GRIP1: variants seen among roughly 807,000 people sequenced by gnomAD.
The protein encoded by GRIP1 is glutamate receptor-interacting protein 1.
A neutral mutation model predicts 129.9 loss-of-function variants in GRIP1; 45 were observed. The observed-to-expected ratio is 0.35, with a 90% CI of 0.27 to 0.44. GRIP1 has a LOEUF of 0.44. GRIP1 is among the 20% of genes least tolerant of loss of function. The pLI, the probability that GRIP1 is intolerant of heterozygous loss-of-function variation, is 1.00. For missense variants in GRIP1, 1,196 were observed against 1,396.8 expected (o/e 0.86, Z 2.29); for synonymous variants, 530 against 520.8 (o/e 1.02, Z -0.24).
At chr12:66,870,591 A>T (rs2040279335) in intron 1 of GRIP1, among the ~76,000 whole-genome samples, 1 of 152,126 alleles carries the variant, frequency 6.6e-6, no homozygotes, top group African/African-American at 2.4e-5. Context: ...ATTCATTCTG[A>T]ATGCACCTAA....
At chr12:66,761,026 C>T (rs2037458171) in intron 1 of GRIP1, among the ~76,000 whole-genome samples, 1 of 152,020 alleles carries the variant, frequency 6.6e-6, no homozygotes, top group African/African-American at 2.4e-5. Flanking sequence ...ATTTACTAGT[C>T]CATGCCTCTC....
chr12:66,376,430 A>C (rs1055032082), intron 22 of GRIP1, among the ~76,000 whole-genome samples: 3 of 152,208 alleles, frequency 2.0e-5, no homozygotes, highest in Non-Finnish European at 4.4e-5. Context: ...ACATAAAAGG[A>C]AACAGTCCAG....
At chr12:66,400,710 A>C (rs1159026591) in intron 16 of GRIP1, among the ~76,000 whole-genome samples, 2 of 152,212 alleles carry the variant, frequency 1.3e-5, no homozygotes, top group African/African-American at 4.8e-5. Context: ...TCCCCAAACC[A>C]AGCGAGAAAT....
Position 66,860,442 on chromosome 12 carries a change from TATA to T in GRIP1, c.58+208605_58+208607del, listed in dbSNP as rs566310792. On this transcript the variant is annotated intron_variant, in intron 1 of 1. Coordinates refer to the GRIP1 transcript ENST00000643019. ...GTTGAGACAATAATCCGATACAATT[TATA>T]ATAAGCTTCTTTCAGAGTTGCTATC... Among the ~76,000 whole-genome samples, 386 of 152,232 alleles carry T rather than the reference TATA, an allele frequency of 2.5e-3. 8 individuals are homozygous for T. Among genetic ancestry groups the T allele is most frequent in the Non-Finnish European group, 1.5e-3 (99 of 68,000 alleles).
intron 1 of GRIP1, among the ~76,000 whole-genome samples, chr12:66,861,669 G>T (rs1488165292): frequency 2.0e-5 from 3 of 152,148 alleles, no homozygotes; most frequent in East Asian, 3.9e-4. Context: ...CATGAGTATT[G>T]TCTTCATCAA....
chr12:66,613,925 G>T (rs752806832), intron 1 of GRIP1, among the ~76,000 whole-genome samples: 7 of 152,180 alleles, frequency 4.6e-5, no homozygotes, highest in Non-Finnish European at 1.0e-4. Flanking sequence ...CATGTTTGAA[G>T]ACACATCAGC....
At chr12:66,873,993 A>AGG (rs2040340382) in intron 1 of GRIP1, among the ~76,000 whole-genome samples, 1 of 152,084 alleles carries the variant, frequency 6.6e-6, no homozygotes, top group South Asian at 2.1e-4. Context: ...GGCAAAAACA[A>AGG]GTTCTGCTAC....
chr12:66,361,677 G>T (rs748019235), intron 23 of GRIP1, among the ~76,000 whole-genome samples: 1 of 151,844 alleles, frequency 6.6e-6, no homozygotes, highest in Non-Finnish European at 1.5e-5. Flanking sequence ...CGGAGTCCCT[G>T]TTGCGGGTGT....
At chr12:66,759,623 C>T (rs1311743135) in intron 1 of GRIP1, among the ~76,000 whole-genome samples, 1 of 152,086 alleles carries the variant, frequency 6.6e-6, no homozygotes, top group Non-Finnish European at 1.5e-5. Flanking sequence ...ATGCTTTTAA[C>T]AGCACCCAAG....
intron 1 of GRIP1, among the ~76,000 whole-genome samples, chr12:66,895,306 A>T (rs1246075333): frequency 6.6e-6 from 1 of 152,154 alleles, no homozygotes; most frequent in Admixed American, 6.5e-5. Context: ...GTCTCACAAT[A>T]TCTGATGGTT....
At chr12:66,806,582 T>C (rs1166938920), upstream of GRIP1, among the ~76,000 whole-genome samples, 1 of 152,160 alleles carries the variant, frequency 6.6e-6, no homozygotes, top group Non-Finnish European at 1.5e-5. Flanking sequence ...GAAGAGATGG[T>C]GCTTTACTCT....
At chr12:66,809,379 A>G (rs2039059196) in intron 1 of GRIP1, among the ~76,000 whole-genome samples, 2 of 152,234 alleles carry the variant, frequency 1.3e-5, no homozygotes, top group Non-Finnish European at 2.9e-5. Context: ...AGTCTATAAG[A>G]GAAATCTTTA....
At chr12:66,734,767 G>A (rs1161718742) in intron 1 of GRIP1, among the ~76,000 whole-genome samples, 1 of 152,110 alleles carries the variant, frequency 6.6e-6, no homozygotes, top group Non-Finnish European at 1.5e-5. Context: ...TAGGAAGAGT[G>A]TTATAAAAAT....
chr12:66,870,470 C>T (rs1412283079), intron 1 of GRIP1, among the ~76,000 whole-genome samples: 5 of 151,962 alleles, frequency 3.3e-5, no homozygotes, highest in Non-Finnish European at 5.9e-5. Context: ...ACAGAACATC[C>T]CTTGGTGCAA....
chr12:67,040,175 G>C (rs893084595), intron 1 of GRIP1, among the ~76,000 whole-genome samples: 4 of 152,064 alleles, frequency 2.6e-5, no homozygotes, highest in African/African-American at 9.7e-5. Context: ...CCAGAGTAGA[G>C]AGATAATCAT....
intron 22 of GRIP1, among the ~76,000 whole-genome samples, chr12:66,373,897 G>A (rs891624826): frequency 6.6e-6 from 1 of 152,156 alleles, no homozygotes; most frequent in African/African-American, 2.4e-5. Flanking sequence ...GACAAGTTAA[G>A]CAACTTGCCC....
upstream of GRIP1, among the ~76,000 whole-genome samples, chr12:66,807,679 C>T (rs929085355): frequency 2.0e-5 from 3 of 151,836 alleles, no homozygotes; most frequent in African/African-American, 4.8e-5. Flanking sequence ...GTGGCACCTT[C>T]CCCCTCTCTC....
intron 7 of GRIP1, among the ~76,000 whole-genome samples, chr12:66,468,952 T>C (rs1447686428): frequency 6.6e-6 from 1 of 152,172 alleles, no homozygotes; most frequent in East Asian, 1.9e-4. Flanking sequence ...CTTGCCCCAT[T>C]AAGGCTTGAA....
chr12:66,806,757 A>T (rs951930732), upstream of GRIP1, among the ~76,000 whole-genome samples: 8 of 151,756 alleles, frequency 5.3e-5, no homozygotes, highest in African/African-American at 1.7e-4. Flanking sequence ...TACATACCAA[A>T]CTCTGTTTTC....
Sources: gnomAD v4.1 joint callset for allele counts (sites outside exome capture counted in the v4.1 genomes callset) on GRCh38, gnomAD v4.1.1 for gene constraint, MANE v1.5 for transcripts, NCBI Gene and HGNC (gene_info 2026-07-23, HGNC 2026-07-21) for gene names.